IGF1R: variants seen among roughly 807,000 people sequenced by gnomAD.
IGF1R encodes the protein insulin like growth factor 1 receptor.
In IGF1R, 44 loss-of-function variants were observed where a neutral mutation model predicts 144.6. That is an observed-to-expected ratio of 0.30 (90% CI 0.24 to 0.39). IGF1R has a LOEUF of 0.39. IGF1R is among the 10% of genes least tolerant of loss of function. The pLI, the probability that IGF1R is intolerant of heterozygous loss-of-function variation, is 1.00. For synonymous variants in IGF1R, 795 were observed against 722.8 expected (o/e 1.10, Z -1.60); for missense variants, 1,355 against 1,833.7 (o/e 0.74, Z 4.77).
At chr15:98,872,167 C>T (rs780366496) in intron 2 of IGF1R, among the ~76,000 whole-genome samples, 1 of 152,256 alleles carries the variant, frequency 6.6e-6, no homozygotes. Context: ...TATTTTCGAG[C>T]GAATGGATTG....
Position 98,707,849 on chromosome 15 carries a change from A to G in IGF1R, c.382A>G (p.Ile128Val), listed in dbSNP as rs758659893. The G allele has an allele frequency of 4.3e-6, 7 of 1,614,050 alleles. No individual in the cohort carries two copies. The highest frequency in any genetic ancestry group is 5.9e-6 in the Non-Finnish European group (7 of 1,180,038). ...CTTCGAGATGACCAATCTCAAGGATATTGGGCTTTACAACCTGAGGAACAT... is the reference window on the plus strand; with the variant it reads ...CTTCGAGATGACCAATCTCAAGGATGTTGGGCTTTACAACCTGAGGAACAT... ...VIFEMTNLKD[I>V]GLYNLRNITR... Residue 128 changes from isoleucine to valine, a missense_variant, in exon 2 of 21, where the codon ATT becomes GTT. This residue lies in a region of IGF1R where 75 missense variants were observed against 160.0 expected (regional missense o/e 0.47). Transcript: ENST00000650285. This position sits in a 1 kb window ranked among gnomAD's most constrained non-coding sequence, Gnocchi z 6.7.
Position 98,708,186 on chromosome 15 carries a change from G to C in IGF1R, c.640+79G>C. ...CTCCTTGACCTCCCTTCTCTTCTGA[G>C]TGCACGAGTTCCGCTGGGCAGGGTG... On this transcript the variant is annotated intron_variant, in intron 2 of 20. Coordinates refer to ENST00000650285, the MANE Select transcript of IGF1R (RefSeq NM_000875.5). 2.4e-6 allele frequency: 3 copies of C among 1,249,748 alleles called. No individual in the cohort carries two copies. In the South Asian group the frequency reaches 3.6e-5, roughly 15 times the overall value. 77.4% of individuals were successfully genotyped at this position (1,249,748 alleles called of 1,614,324 possible). A position where few individuals can be genotyped will look rare whatever the true frequency, so the allele number is the denominator to read the frequency against.
chr15:98,780,355 A>G (rs1004450443), intron 2 of IGF1R, among the ~76,000 whole-genome samples: 1 of 151,686 alleles, frequency 6.6e-6, no homozygotes, highest in African/African-American at 2.4e-5. Context: ...GTTCAAGACC[A>G]GCCTGACAAA....
intron 5 of IGF1R, chr15:98,900,816 T>C (rs1227640530): frequency 6.6e-6 from 1 of 152,144 alleles, no homozygotes; most frequent in Non-Finnish European, 1.5e-5. Flanking sequence ...TTCTCCGCTT[T>C]TTTTTTTTCT....
At chr15:98,884,683 CAAAAAAAAAAA>C (rs35707888) in intron 2 of IGF1R, among the ~76,000 whole-genome samples, 24 of 80,232 alleles carry the variant, frequency 3.0e-4, no homozygotes, top group South Asian at 4.8e-4. Context: ...CACTCCGTCT[CAAAAAAAAAAA>C]AAAAAAAAAA....
intron 1 of IGF1R, among the ~76,000 whole-genome samples, chr15:98,700,632 T>C (rs2141247703): frequency 6.6e-6 from 1 of 152,332 alleles, no homozygotes; most frequent in African/African-American, 2.4e-5. Context: ...CACACACTTG[T>C]CTCAGTCTGC....
chr15:98,735,426 T>C (rs2054588542), intron 2 of IGF1R, among the ~76,000 whole-genome samples: 1 of 152,214 alleles, frequency 6.6e-6, no homozygotes, highest in African/African-American at 2.4e-5. Flanking sequence ...TAACCCTGCA[T>C]CCCCACCTTC....
At chr15:98,924,312 A>G (rs541004584) in intron 12 of IGF1R, among the ~76,000 whole-genome samples, 2 of 152,342 alleles carry the variant, frequency 1.3e-5, no homozygotes, top group South Asian at 2.1e-4. Flanking sequence ...CTTGGTTACA[A>G]AAATGTTTGG....
intron 18 of IGF1R, 97 bp from the exon 19 acceptor site, chr15:98,942,826 T>C: frequency 6.5e-7 from 1 of 1,527,986 alleles, no homozygotes; most frequent in South Asian, 1.1e-5. Flanking sequence ...GTGTCTTGCC[T>C]TGCGTCTCTC....
chr15:98,698,038 CTTTT>C (rs57604161), intron 1 of IGF1R, among the ~76,000 whole-genome samples: 2 of 133,456 alleles, frequency 1.5e-5, no homozygotes, highest in Admixed American at 7.5e-5. Context: ...CCTGGCCTTC[CTTTT>C]TTTTTTTTTT....
In IGF1R at chr15:98,776,351, A is replaced by AT. The variant is rs1418112954; in HGVS notation, c.640+68250dup. On this transcript the variant is annotated intron_variant, in intron 2 of 20. Coordinates refer to ENST00000650285, the MANE Select transcript of IGF1R (RefSeq NM_000875.5). ...GGGCATGTGCCACCATGCCGGGCTAATTTTTTGTATTGGTAGTGGAGATGG... is the reference window on the plus strand; with the variant it reads ...GGGCATGTGCCACCATGCCGGGCTAATTTTTTTGTATTGGTAGTGGAGATGG... Among the ~76,000 whole-genome samples the AT allele has an allele frequency of 2.6e-5, 4 of 151,820 alleles. No individual in the cohort carries two copies. The East Asian group carries it at 5.8e-4, about 22-fold the overall frequency.
At chr15:98,795,403 TTTTTGTTTTGTTTTG>T (rs56344805) in intron 2 of IGF1R, among the ~76,000 whole-genome samples, 1 of 151,362 alleles carries the variant, frequency 6.6e-6, no homozygotes, top group Non-Finnish European at 1.5e-5. Flanking sequence ...TCTTTCTTGT[TTTTTGTTTTGTTTTG>T]TTTTGTTTTG....
At chr15:98,756,624 C>T (rs1163226438) in intron 2 of IGF1R, among the ~76,000 whole-genome samples, 1 of 151,652 alleles carries the variant, frequency 6.6e-6, no homozygotes, top group African/African-American at 2.4e-5. Context: ...TTATATTTAT[C>T]CTGCTTTTAA....
At chr15:98,747,512 G>A (rs1187670465) in intron 2 of IGF1R, among the ~76,000 whole-genome samples, 3 of 152,184 alleles carry the variant, frequency 2.0e-5, no homozygotes, top group Non-Finnish European at 4.4e-5. Flanking sequence ...TAATAAATCA[G>A]GGTAAGTTAT....
intron 2 of IGF1R, among the ~76,000 whole-genome samples, chr15:98,838,037 G>T (rs1407505140): frequency 6.6e-6 from 1 of 152,092 alleles, no homozygotes. Context: ...GAGTCTTTTA[G>T]GTACTGATTT....
intron 2 of IGF1R, among the ~76,000 whole-genome samples, chr15:98,714,354 A>G (rs984141875): frequency 6.6e-6 from 1 of 152,146 alleles, no homozygotes; most frequent in Non-Finnish European, 1.5e-5. Flanking sequence ...AAGAATGTGT[A>G]AATTGAAGGC....
chr15:98,815,768 C>T (rs2056684260), intron 2 of IGF1R, among the ~76,000 whole-genome samples: 2 of 152,116 alleles, frequency 1.3e-5, no homozygotes, highest in Non-Finnish European at 2.9e-5. Context: ...AGAGAAGGAA[C>T]AATGGAAGTG....
At chr15:98,912,835 C>T (rs979075161) in intron 7 of IGF1R, among the ~76,000 whole-genome samples, 3 of 152,186 alleles carry the variant, frequency 2.0e-5, no homozygotes, top group African/African-American at 7.2e-5. Flanking sequence ...AGTGGCTCTT[C>T]CTGAGGCAGA....
rs2017287109 is a variant in IGF1R at position 98,963,078 on chromosome 15, A to G, written c.*5636A>G. The G allele has an allele frequency of 4.3e-6, 1 of 233,582 alleles. No homozygotes were observed. The allele number at this position is 233,582 out of a possible 1,614,324, so 14.5% of individuals were successfully genotyped here. A position where few individuals can be genotyped will look rare whatever the true frequency, so the allele number is the denominator to read the frequency against. On this transcript the variant is annotated 3_prime_UTR_variant, in exon 21 of 21. Transcript: ENST00000650285. ...TCAGTTGACGAAGATCTGGTTTACA[A>G]GAACTAATTAAATGTTTCATTGCAT...
Sources: gnomAD v4.1 joint callset for allele counts (sites outside exome capture counted in the v4.1 genomes callset) on GRCh38, gnomAD v4.1.1 for gene constraint, gnomAD v4.1.1 regional missense constraint, Gnocchi (gnomAD v3.1) non-coding constraint, MANE v1.5 for transcripts, NCBI Gene and HGNC (gene_info 2026-07-23, HGNC 2026-07-21) for gene names.